The following RAB2A variants were observed in gnomAD, a reference collection of about 807,000 sequenced individuals.
RAB2A encodes the protein RAB2A, member RAS oncogene family, also known as ras-related protein Rab-2A.
RAB2A carries 7 observed loss-of-function variants against 32.5 expected under a neutral mutation model. That is an observed-to-expected ratio of 0.22 (90% CI 0.12 to 0.40). The LOEUF (loss-of-function observed/expected upper bound fraction) is 0.40, where lower values mean the gene tolerates loss of function less well. Among genes scored for constraint, RAB2A ranks in the 10% least tolerant of loss-of-function variants. RAB2A has a pLI of 1.00. For synonymous variants in RAB2A, 79 were observed against 85.2 expected (o/e 0.93, Z 0.40); for missense variants, 108 against 260.7 (o/e 0.41, Z 4.03).
chr8:60,521,739 G>C (rs1807305432), intron 1 of RAB2A, among the ~76,000 whole-genome samples: 1 of 152,150 alleles, frequency 6.6e-6, no homozygotes, highest in South Asian at 2.1e-4. Context: ...TCCTGCCTCA[G>C]CCTCCCCAGT....
intron 5 of RAB2A, among the ~76,000 whole-genome samples, chr8:60,588,638 G>C (rs1018408552): frequency 6.6e-6 from 1 of 152,168 alleles, no homozygotes; most frequent in Non-Finnish European, 1.5e-5. Flanking sequence ...AATCTGTAGT[G>C]GCAGAAAGCA....
At chr8:60,580,248 G>A (rs753322268) in intron 3 of RAB2A, among the ~76,000 whole-genome samples, 2 of 151,976 alleles carry the variant, frequency 1.3e-5, no homozygotes, top group Non-Finnish European at 2.9e-5. Flanking sequence ...GCCTGTCTCG[G>A]CCTCCCAAAG....
At chr8:60,609,247 C>G (rs1804293557) in intron 6 of RAB2A, among the ~76,000 whole-genome samples, 3 of 152,202 alleles carry the variant, frequency 2.0e-5, no homozygotes, top group Admixed American at 1.3e-4. Context: ...TTCCTTCCGA[C>G]TTGATCCTCC....
intron 6 of RAB2A, among the ~76,000 whole-genome samples, chr8:60,605,828 A>AATAT (rs765737905): frequency 0.2 from 22,597 of 113,504 alleles, 2,070 homozygotes; most frequent in Middle Eastern, 0.35. Context: ...AAAAGGGACT[A>AATAT]ATACATATAT....
chr8:60,584,609 C>T (rs934955741), intron 4 of RAB2A, 114 bp from the exon 5 acceptor site: 13 of 815,208 alleles, frequency 1.6e-5, no homozygotes, highest in Middle Eastern at 3.5e-4. Flanking sequence ...AACTACTTCT[C>T]GTTACATAAG....
rs879271913 is a variant in RAB2A at position 60,526,017 on chromosome 8, G to GCACATATATATATA, written c.46+8764_46+8765insCACATATATATATA. Among the ~76,000 whole-genome samples the GCACATATATATATA allele has an allele frequency of 4.0e-3, 297 of 74,162 alleles. 14 individuals carry two copies. The highest frequency in any genetic ancestry group is 4.6e-3 in the African/African-American group (77 of 16,786). 48.7% of individuals were successfully genotyped at this position (74,162 alleles called of 152,430 possible). A position where few individuals can be genotyped will look rare whatever the true frequency, so the allele number is the denominator to read the frequency against. ...TGTCTATATGTATATATGTGTGTGT[G>GCACATATATATATA]TACATATATATATATATATATATAT... On this transcript the variant is annotated intron_variant, in intron 1 of 7. Coordinates refer to ENST00000262646, the MANE Select transcript of RAB2A (RefSeq NM_002865.3).
rs1212982826 is a variant in RAB2A at position 60,590,275 on chromosome 8, T to TA, written c.363-1574dup. On this transcript the variant is annotated intron_variant, in intron 5 of 7. Coordinates refer to ENST00000262646, the MANE Select transcript of RAB2A (RefSeq NM_002865.3). The stretch of plus-strand genomic sequence containing the variant: ...GCACCCGGCCTATTGTTTCTTTTTT[T>TA]AAAAAAAAATTCTGATTATTTCCTA... Among the ~76,000 whole-genome samples, 143 of 151,408 alleles carry TA rather than the reference T, an allele frequency of 9.4e-4. 2 individuals carry two copies. Among genetic ancestry groups the TA allele is most frequent in the Admixed American group, 7.7e-3 (117 of 15,176 alleles).
intron 6 of RAB2A, among the ~76,000 whole-genome samples, chr8:60,592,670 C>A (rs188115702): frequency 2.0e-5 from 3 of 152,072 alleles, no homozygotes; most frequent in Admixed American, 2.0e-4. Flanking sequence ...CATTGATGAA[C>A]CTGAACTATT....
At chr8:60,547,406 G>T (rs1807750283) in intron 1 of RAB2A, among the ~76,000 whole-genome samples, 2 of 152,204 alleles carry the variant, frequency 1.3e-5, no homozygotes, top group South Asian at 4.1e-4. Flanking sequence ...TCAATGAGCT[G>T]TTGGCTATAC....
chr8:60,547,656 G>T (rs1359884163), intron 1 of RAB2A, among the ~76,000 whole-genome samples: 3 of 117,022 alleles, frequency 2.6e-5, no homozygotes, highest in Non-Finnish European at 1.8e-5. Flanking sequence ...GCGGGGGGCT[G>T]ACCCCCCCAC....
At chr8:60,558,756 A>G in intron 1 of RAB2A, 96 bp from the exon 2 acceptor site, 1 of 989,220 alleles carries the variant, frequency 1.0e-6, no homozygotes, top group Non-Finnish European at 1.6e-6. Context: ...TTCACAGTGC[A>G]CCAGAAACCC....
intron 3 of RAB2A, among the ~76,000 whole-genome samples, chr8:60,582,232 C>T (rs1339897000): frequency 2.6e-5 from 4 of 152,180 alleles, no homozygotes; most frequent in East Asian, 1.9e-4. Context: ...CCATTATACC[C>T]GGCTGTCTTC....
At chr8:60,517,703 C>T (rs1173388586) in intron 1 of RAB2A, among the ~76,000 whole-genome samples, 2 of 152,180 alleles carry the variant, frequency 1.3e-5, no homozygotes, top group Non-Finnish European at 2.9e-5. Flanking sequence ...CCTTCCTCCA[C>T]CAGCACGCAT....
chr8:60,535,206 A>G (rs1013621493), intron 1 of RAB2A, among the ~76,000 whole-genome samples: 6 of 152,230 alleles, frequency 3.9e-5, no homozygotes, highest in African/African-American at 1.4e-4. Context: ...TAAAGTAGCT[A>G]TATTTGGTCA....
chr8:60,551,723 C>T (rs1402115370), intron 1 of RAB2A, among the ~76,000 whole-genome samples: 1 of 152,078 alleles, frequency 6.6e-6, no homozygotes, highest in Non-Finnish European at 1.5e-5. Flanking sequence ...GAGACAGGGT[C>T]TTGCTTGTCA....
rs553132387 is a variant in RAB2A at position 60,598,810 on chromosome 8, C to T, written c.474+6841C>T. Among the ~76,000 whole-genome samples the T allele has an allele frequency of 7.9e-5, 12 of 151,136 alleles. No individual in the cohort carries two copies. In the East Asian group the frequency reaches 2.3e-3, roughly 29 times the overall value. On this transcript the variant is annotated intron_variant, in intron 6 of 7. Transcript: ENST00000262646. ...CGTGAACACACACCAAAAAAAAACCCACAACTAATGTTATACTTAAGGGCA... is the reference window on the plus strand; with the variant it reads ...CGTGAACACACACCAAAAAAAAACCTACAACTAATGTTATACTTAAGGGCA...
At chr8:60,558,622 T>C in intron 1 of RAB2A, 2 of 556,962 alleles carry the variant, frequency 3.6e-6, no homozygotes, top group East Asian at 3.5e-5. Flanking sequence ...ATCTTTCACA[T>C]TGAAATATTA....
chr8:60,603,060 T>C (rs1227360102), intron 6 of RAB2A, among the ~76,000 whole-genome samples: 4 of 152,146 alleles, frequency 2.6e-5, no homozygotes, highest in Non-Finnish European at 5.9e-5. Flanking sequence ...GTGACAGTGG[T>C]GGTTGGTGTT....
intron 1 of RAB2A, among the ~76,000 whole-genome samples, chr8:60,548,525 C>T (rs1280627776): frequency 2.1e-4 from 21 of 98,568 alleles, no homozygotes; most frequent in African/African-American, 4.3e-4. Flanking sequence ...CTGACCCCCC[C>T]ACCTCCCTCC....
Sources: gnomAD v4.1 joint callset for allele counts (sites outside exome capture counted in the v4.1 genomes callset) on GRCh38, gnomAD v4.1.1 for gene constraint, MANE v1.5 for transcripts, NCBI Gene and HGNC (gene_info 2026-07-23, HGNC 2026-07-21) for gene names.